Variants in LILRB2 observed in about 807,000 individuals in gnomAD.
LILRB2 encodes the protein leukocyte immunoglobulin-like receptor subfamily B member 2.
Under a neutral mutation model 72.7 loss-of-function variants are expected in LILRB2, and 47 were observed. That is an observed-to-expected ratio of 0.65 (90% CI 0.51 to 0.82). LILRB2 has a LOEUF of 0.82. Among genes scored for constraint, LILRB2 ranks in the 40% least tolerant of loss-of-function variants. LILRB2 has a pLI of 0.00. For missense variants in LILRB2, 767 were observed against 764.8 expected (o/e 1.00, Z -0.03); for synonymous variants, 279 against 313.7 (o/e 0.89, Z 1.17).
chr19:54,279,059 G>A lies in LILRB2; in HGVS notation c.708C>T (p.Ala236=). 6.2e-7 allele frequency: 1 copy of A among 1,614,170 alleles called. No homozygotes were observed. The highest frequency in any genetic ancestry group is 8.5e-7 in the Non-Finnish European group (1 of 1,179,996). The change falls in exon 6 of 14, where the codon GCC becomes GCT. Residue 236 remains alanine (A), a synonymous_variant. Transcript: ENST00000314446. ...ACTGGAGGGTCAGGCTTTCCCCAGG[G>A]GCCATGACAGGACCCGGCTGCACTG... The part of the protein sequence containing the change: ...SLSVQPGPVM[A]PGESLTLQCV...
intron 13 of LILRB2, chr19:54,275,598 G>GC: frequency 9.4e-6 from 5 of 532,540 alleles, no homozygotes; most frequent in Admixed American, 9.0e-5. Context: ...CCCATGGGGA[G>GC]CCTGATCCAC....
rs370790027 is a variant in LILRB2 at position 54,280,442 on chromosome 19, C to T, written c.34+21G>A. The T allele has an allele frequency of 6.9e-6, 11 of 1,601,408 alleles. No individual in the cohort carries two copies. In the African/African-American group the frequency reaches 1.4e-4, roughly 21 times the overall value. On this transcript the variant is annotated intron_variant, in intron 2 of 13. Transcript: ENST00000314446. ...GAGGTCCCTCCTAGGTTAGAAGCTC[C>T]CCTCTCTCTTCAAATCTCACCGAGA...
At position 54,274,491 on chromosome 19, in the gene LILRB2, T is replaced by G. The variant is rs1469233308; in HGVS notation, c.*192A>C. On this transcript the variant is annotated 3_prime_UTR_variant, in exon 14 of 14. Transcript: ENST00000314446. ...TTATTGAGAAGTCTGTTGCTTTAATTAAAAAATGTAGGGATATTAGTTATT... is the reference window on the plus strand; with the variant it reads ...TTATTGAGAAGTCTGTTGCTTTAATGAAAAAATGTAGGGATATTAGTTATT... 4.7e-6 allele frequency: 5 copies of G among 1,073,414 alleles called. No homozygotes were observed. The highest frequency in any genetic ancestry group is 2.6e-5 in the East Asian group (1 of 38,092). The allele number at this position is 1,073,414 out of a possible 1,614,324, so 66.5% of individuals were successfully genotyped here. A position where few individuals can be genotyped will look rare whatever the true frequency, so the allele number is the denominator to read the frequency against.
In LILRB2 at chr19:54,279,912, C is replaced by G. The variant is rs1473065544; in HGVS notation, c.234G>C (p.Val78=). 6.2e-7 allele frequency: 1 copy of G among 1,614,014 alleles called. No individual in the cohort carries two copies. The highest frequency in any genetic ancestry group is 8.5e-7 in the Non-Finnish European group (1 of 1,180,018). The change falls in exon 4 of 14, where the codon GTG becomes GTC. Residue 78 remains valine (V), a synonymous_variant. Coordinates refer to ENST00000314446, the MANE Select transcript of LILRB2 (RefSeq NM_001080978.4). ...SWITRIRPEL[V]KNGQFHIPSI... is the part of the protein sequence containing the mutation. ...ATGGGATGTGGAACTGGCCGTTCTT[C>G]ACAAGCTCTGGTCGTATCCGTGTAA... is the stretch of plus-strand genomic sequence containing the variant.
At position 54,279,669 on chromosome 19, in the gene LILRB2, T is replaced by C. The variant is rs773609796; in HGVS notation, c.356-22A>G. 6 of 1,599,026 alleles carry C rather than the reference T, an allele frequency of 3.8e-6. No homozygotes were observed. In the South Asian group the frequency reaches 6.7e-5, roughly 18 times the overall value. ...GCTCCTAGGAGAGAAGGAGGCATCGTGTTAAATGGGGCTCCCACCTCCCAC... is the reference window on the plus strand; with the variant it reads ...GCTCCTAGGAGAGAAGGAGGCATCGCGTTAAATGGGGCTCCCACCTCCCAC... On this transcript the variant is annotated intron_variant, in intron 4 of 13. Transcript: ENST00000314446.
In LILRB2 at chr19:54,278,958, C is replaced by G. The variant is rs141001610; in HGVS notation, c.809G>C (p.Arg270Pro). The G allele has an allele frequency of 1.3e-3, 2,092 of 1,613,466 alleles. 6 individuals are homozygous for G. The South Asian group carries it at 0.022, about 17-fold the overall frequency. The change falls in exon 6 of 14, where the codon CGG (arginine) becomes CCG (proline). Residue 270 changes from arginine to proline, a missense_variant. By Grantham distance (103) the Arg-to-Pro change is moderately radical (BLOSUM62 -2). Transcript: ENST00000314446. ...GERDLRQLPG[R>P]QPQAGLSQAN... Reference sequence around the variant, plus strand: ...CTGGGAGAGCCCAGCCTGGGGCTGCCGGCCAGGGAGCTGGCGAAGGTCACG... The same window carrying G: ...CTGGGAGAGCCCAGCCTGGGGCTGCGGGCCAGGGAGCTGGCGAAGGTCACG...
intron 10 of LILRB2, 156 bp downstream of exon 10, chr19:54,276,651 T>C (rs2080242979): frequency 6.9e-7 from 1 of 1,453,064 alleles, no homozygotes; most frequent in Non-Finnish European, 9.3e-7. Flanking sequence ...TTTATATTTG[T>C]AGATGGGACT....
chr19:54,275,473 G>A (rs1282486411), intron 13 of LILRB2: 2 of 520,830 alleles, frequency 3.8e-6, no homozygotes, highest in African/African-American at 1.9e-5. Context: ...CCTGGTGTAT[G>A]TTCCTTTAAG....
intron 7 of LILRB2, 21 bp from the exon 8 acceptor site, chr19:54,277,960 A>C (rs2080325106): frequency 6.8e-7 from 1 of 1,479,404 alleles, no homozygotes; most frequent in Non-Finnish European, 9.0e-7. Flanking sequence ...GAATGAGAGG[A>C]GGGTGAGGAG....
At chr19:54,275,155 A>G (rs2080164010) in intron 13 of LILRB2, 11 of 1,501,842 alleles carry the variant, frequency 7.3e-6, no homozygotes, top group Admixed American at 1.9e-5. Flanking sequence ...TGATCCGATT[A>G]CATCCCTTTC....
intron 7 of LILRB2, 113 bp downstream of exon 7, chr19:54,278,147 T>C: frequency 7.0e-7 from 1 of 1,425,456 alleles, no homozygotes; most frequent in East Asian, 2.3e-5. Flanking sequence ...AGTCTCCCAC[T>C]GGCTGAGCCC....
At chr19:54,278,140 C>A in intron 7 of LILRB2, 120 bp downstream of exon 7, 5 of 1,380,298 alleles carry the variant, frequency 3.6e-6, no homozygotes, top group Non-Finnish European at 4.9e-6. Flanking sequence ...GAGGGTGAGT[C>A]TCCCACTGGC....
In LILRB2 at chr19:54,278,917, C is replaced by T; in HGVS notation, c.850G>A (p.Gly284Ser). 1 of 1,614,178 alleles carries T rather than the reference C, an allele frequency of 6.2e-7. No homozygotes were observed. The highest frequency in any genetic ancestry group is 8.5e-7 in the Non-Finnish European group (1 of 1,180,016). ...CCCCCGTAGGAGCGGCTCACAGGGC[C>T]CAGGGTGAAGTTGGCCTGGGAGAGC... ...AGLSQANFTL[G>S]PVSRSYGGQY... The change falls in exon 6 of 14, where the codon GGC (glycine) becomes AGC (serine). Residue 284 changes from glycine (G) to serine (S), a missense_variant. Around this residue, in one of 3 missense-constraint regions of LILRB2, gnomAD observed 599 missense variants for 568.2 expected, o/e 1.05. Transcript: ENST00000314446.
intron 9 of LILRB2, 192 bp downstream of exon 9, chr19:54,277,358 C>T (rs1253756711): frequency 9.1e-6 from 11 of 1,208,774 alleles, no homozygotes; most frequent in South Asian, 5.7e-5. Flanking sequence ...CAGGAGGTCA[C>T]AGCTGGGAGT....
Position 54,275,553 on chromosome 19 carries a change from C to T in LILRB2, c.1647+398G>A, listed in dbSNP as rs564854009. The stretch of plus-strand genomic sequence containing the variant: ...CCCACCATGAGGTGAGCTCAGGAGG[C>T]GGGGGCGGCTTTGCTCCCTGCTGTG... On this transcript the variant is annotated intron_variant, in intron 13 of 13. Transcript: ENST00000314446. The T allele has an allele frequency of 5.2e-4, 266 of 515,434 alleles. 1 individual carries two copies. The highest frequency in any genetic ancestry group is 2.2e-3 in the Middle Eastern group (7 of 3,142). The allele number at this position is 515,434 out of a possible 1,614,324, so 31.9% of individuals were successfully genotyped here.
At chr19:54,277,127 C>T in intron 9 of LILRB2, 198 bp from the exon 10 acceptor site, 1 of 1,497,812 alleles carries the variant, frequency 6.7e-7, no homozygotes, top group South Asian at 1.2e-5. Context: ...GGCCCCCAGC[C>T]AGGAAGCGGC....
intron 13 of LILRB2, 179 bp downstream of exon 13, chr19:54,275,772 A>C: frequency 1.1e-6 from 1 of 874,482 alleles, no homozygotes; most frequent in Non-Finnish European, 1.9e-6. Flanking sequence ...GAGGAGGCCC[A>C]CGAGGTCCCA....
intron 5 of LILRB2, 82 bp downstream of exon 5, chr19:54,279,263 G>T: frequency 1.3e-6 from 2 of 1,548,840 alleles, no homozygotes; most frequent in South Asian, 1.2e-5. Flanking sequence ...ACCTGGAACT[G>T]CCCTGAGACA....
Position 54,274,793 on chromosome 19 carries a change from C to T in LILRB2, c.1684G>A (p.Ala562Thr), listed in dbSNP as rs140594886. The T allele has an allele frequency of 1.3e-5, 21 of 1,603,614 alleles. No individual in the cohort carries two copies. The highest frequency in any genetic ancestry group is 4.2e-5 in the African/African-American group (3 of 71,712). ...ASEAPQDVTY[A>T]QLHSLTLRRK... The stretch of plus-strand genomic sequence containing the variant: ...CTGAGGGTCAAGCTGTGCAGCTGGG[C>T]GTAGGTCACATCCTGGGGGGCTTCA... Residue 562 changes from alanine (A) to threonine (T), a missense_variant, in exon 14 of 14, where the codon GCC (alanine) becomes ACC (threonine). By Grantham distance (58) the Ala-to-Thr change is moderately conservative. Coordinates refer to ENST00000314446, the MANE Select transcript of LILRB2 (RefSeq NM_001080978.4).
Sources: gnomAD v4.1 joint callset for allele counts on GRCh38, gnomAD v4.1.1 for gene constraint, gnomAD v4.1.1 regional missense constraint, MANE v1.5 for transcripts, NCBI Gene and HGNC (gene_info 2026-07-23, HGNC 2026-07-21) for gene names.